The following HYCC1 variants were observed in gnomAD, a reference collection of about 807,000 sequenced individuals.
HYCC1 encodes hyccin PI4KA lipid kinase complex subunit 1.
the HYCC1 span, among the ~76,000 whole-genome samples, chr7:22,915,003 T>C: frequency 6.6e-6 from 1 of 152,200 alleles, no homozygotes; most frequent in Admixed American, 6.5e-5. Flanking sequence ...ATCCGACCTC[T>C]CCCAAATCAG....
the HYCC1 span, chr7:22,940,236 G>GTTTTTTTTTTTTTTTTT: frequency 3.4e-5 from 3 of 87,188 alleles, no homozygotes; most frequent in East Asian, 4.5e-4. Context: ...AATAGGTTCT[G>GTTTTTTTTTTTTTTTTT]TTTTTTTTTT....
the HYCC1 span, among the ~76,000 whole-genome samples, chr7:22,916,462 C>A: frequency 1.3e-5 from 2 of 152,154 alleles, no homozygotes; most frequent in Non-Finnish European, 2.9e-5. Context: ...TCATCCCAAC[C>A]TTTTTCATTA....
At chr7:22,966,821 G>C in the HYCC1 span, among the ~76,000 whole-genome samples, 1 of 152,116 alleles carries the variant, frequency 6.6e-6, no homozygotes, top group Non-Finnish European at 1.5e-5. Context: ...TTTGATATTA[G>C]AGGATCCCAG....
chr7:22,954,147 T>C, the HYCC1 span, among the ~76,000 whole-genome samples: 1 of 151,336 alleles, frequency 6.6e-6, no homozygotes, highest in South Asian at 2.1e-4. Context: ...ATTTACAAAA[T>C]AAATGTTCCA....
the HYCC1 span, among the ~76,000 whole-genome samples, chr7:22,918,070 G>A: frequency 6.6e-6 from 1 of 152,212 alleles, no homozygotes; most frequent in South Asian, 2.1e-4. Flanking sequence ...TAAAAGAAGA[G>A]TGTTGTTTTT....
chr7:22,928,475 A>T, the HYCC1 span, among the ~76,000 whole-genome samples: 2 of 152,250 alleles, frequency 1.3e-5, no homozygotes, highest in African/African-American at 4.8e-5. Context: ...GCTGATAAGC[A>T]ACTTCAGCAA....
the HYCC1 span, among the ~76,000 whole-genome samples, chr7:22,930,986 T>G: frequency 6.6e-6 from 1 of 152,040 alleles, no homozygotes; most frequent in South Asian, 2.1e-4. Context: ...ATCAAGCAAC[T>G]TCCTCAATGT....
At chr7:22,947,777 A>G in the HYCC1 span, among the ~76,000 whole-genome samples, 1 of 152,196 alleles carries the variant, frequency 6.6e-6, no homozygotes, top group Non-Finnish European at 1.5e-5. Context: ...GACTTAATAA[A>G]CCATGATATT....
At chr7:22,941,673 T>TA in the HYCC1 span, 5 of 152,280 alleles carry the variant, frequency 3.3e-5, no homozygotes, top group African/African-American at 1.2e-4. Flanking sequence ...TGTTCGTTGT[T>TA]AGTTTCTTTA....
the HYCC1 span, chr7:22,934,206 C>CTTTTTTTTTTTTTTTTTT: frequency 1.0e-5 from 1 of 100,182 alleles, no homozygotes; most frequent in Non-Finnish European, 1.9e-5. Flanking sequence ...TCTTTTTTTT[C>CTTTTTTTTTTTTTTTTTT]TTTTTTTTTT....
the HYCC1 span, chr7:22,977,429 A>G: frequency 6.8e-7 from 1 of 1,477,364 alleles, no homozygotes; most frequent in Non-Finnish European, 9.4e-7. Context: ...TTCCTATAGA[A>G]GTGAAAGAAA....
the HYCC1 span, chr7:23,013,832 C>T: frequency 2.3e-6 from 1 of 427,720 alleles, no homozygotes; most frequent in Admixed American, 2.4e-5. Context: ...CCTGTCCTCG[C>T]CGCCGCCTCG....
chr7:22,965,056 C>T, the HYCC1 span, among the ~76,000 whole-genome samples: 2 of 151,046 alleles, frequency 1.3e-5, no homozygotes, highest in African/African-American at 4.9e-5. Flanking sequence ...ATCACTTGAA[C>T]CTGGGAGGTG....
At chr7:22,970,997 C>T in the HYCC1 span, among the ~76,000 whole-genome samples, 2 of 152,086 alleles carry the variant, frequency 1.3e-5, no homozygotes, top group African/African-American at 4.8e-5. Context: ...AAATAAAATC[C>T]TTTCCGGAAG....
At chr7:22,909,215 T>C in the HYCC1 span, among the ~76,000 whole-genome samples, 2 of 152,108 alleles carry the variant, frequency 1.3e-5, no homozygotes, top group Non-Finnish European at 2.9e-5. Flanking sequence ...GGCTTGGTGC[T>C]CTCCTCATGA....
chr7:23,004,279 T>C, the HYCC1 span, among the ~76,000 whole-genome samples: 4 of 152,244 alleles, frequency 2.6e-5, no homozygotes, highest in African/African-American at 7.2e-5. Context: ...CTTTTTCAAT[T>C]ACACATTGTT....
chr7:22,987,353 G>C, the HYCC1 span, among the ~76,000 whole-genome samples: 1 of 152,178 alleles, frequency 6.6e-6, no homozygotes, highest in Non-Finnish European at 1.5e-5. Flanking sequence ...TTCGAGACCA[G>C]CCTCGCTAAC....
chr7:22,929,720 T>G, the HYCC1 span, among the ~76,000 whole-genome samples: 1 of 152,056 alleles, frequency 6.6e-6, no homozygotes, highest in Non-Finnish European at 1.5e-5. Context: ...TGTGGAGAAA[T>G]AGGAACACTT....
chr7:22,994,095 C>T, the HYCC1 span, among the ~76,000 whole-genome samples: 2 of 152,128 alleles, frequency 1.3e-5, no homozygotes, highest in African/African-American at 4.8e-5. Flanking sequence ...GTCCTCCCAC[C>T]TCAGCCTCTC....
Sources: gnomAD v4.1 joint callset for allele counts (sites outside exome capture counted in the v4.1 genomes callset) on GRCh38, gnomAD v4.1.1 for gene constraint, MANE v1.5 for transcripts, NCBI Gene and HGNC (gene_info 2026-07-23, HGNC 2026-07-21) for gene names.